TEKTL1: variants seen among roughly 807,000 people sequenced by gnomAD.
TEKTL1 encodes tektin-like protein 1.
At chr19:15,018,715 A>AATATATATATATATATATATATAT in the TEKTL1 span, among the ~76,000 whole-genome samples, 1,913 of 68,048 alleles carry the variant, frequency 0.028, 434 homozygotes, top group East Asian at 0.059. Flanking sequence ...CCTATCTCAA[A>AATATATATATATATATATATATAT]ATATGTATAT....
At chr19:15,023,041 C>A in the TEKTL1 span, 7 of 1,611,852 alleles carry the variant, frequency 4.3e-6, no homozygotes, top group Non-Finnish European at 5.9e-6. Flanking sequence ...ACGTGTGCTA[C>A]GAGCAGGCGC....
chr19:15,021,637 G>A, the TEKTL1 span: 17 of 1,614,122 alleles, frequency 1.1e-5, no homozygotes, highest in South Asian at 1.1e-4. Context: ...TATGACGTTA[G>A]GACTGATGAG....
At chr19:15,011,089 G>T in the TEKTL1 span, 2 of 1,569,150 alleles carry the variant, frequency 1.3e-6, no homozygotes, top group African/African-American at 2.7e-5. Flanking sequence ...AGAAGCCGCC[G>T]CCAGGCGAGG....
At chr19:15,021,520 GT>G in the TEKTL1 span, 1 of 1,614,082 alleles carries the variant, frequency 6.2e-7, no homozygotes, top group Non-Finnish European at 8.5e-7. Flanking sequence ...GGAGCTGAAG[GT>G]GAGCGCATTA....
the TEKTL1 span, among the ~76,000 whole-genome samples, chr19:15,014,135 C>T: frequency 6.6e-6 from 1 of 152,296 alleles, no homozygotes; most frequent in African/African-American, 2.4e-5. Flanking sequence ...GCTGTGGTTT[C>T]AGCCCAAGTG....
At chr19:15,020,012 C>CAAA in the TEKTL1 span, among the ~76,000 whole-genome samples, 17,418 of 136,336 alleles carry the variant, frequency 0.13, 1,215 homozygotes, top group Non-Finnish European at 0.17. Context: ...TTACCAGTAT[C>CAAA]AAAAAAAAAA....
the TEKTL1 span, among the ~76,000 whole-genome samples, chr19:15,015,102 G>T: frequency 6.6e-6 from 1 of 152,248 alleles, no homozygotes; most frequent in East Asian, 1.9e-4. Flanking sequence ...GAGGAGGATT[G>T]CTTGAATCCA....
chr19:15,022,722 G>GT, the TEKTL1 span: 303,054 of 520,484 alleles, frequency 0.58, 61,967 homozygotes, highest in African/African-American at 0.69. Flanking sequence ...CCCTGTCGCG[G>GT]TTTTTTTTTT....
the TEKTL1 span, chr19:15,021,668 C>G: frequency 6.2e-7 from 1 of 1,614,058 alleles, no homozygotes; most frequent in Non-Finnish European, 8.5e-7. Context: ...CTCCGGTGTA[C>G]GAAATATAAC....
chr19:15,018,339 C>A, the TEKTL1 span, among the ~76,000 whole-genome samples: 9 of 152,070 alleles, frequency 5.9e-5, no homozygotes, highest in African/African-American at 2.2e-4. Context: ...TGGAAGTGAG[C>A]AGACTCACTT....
chr19:15,020,477 G>A, the TEKTL1 span: 149 of 1,613,070 alleles, frequency 9.2e-5, 1 homozygote, highest in South Asian at 1.5e-3. Flanking sequence ...GCCTCCTGCC[G>A]AGACACTCTG....
chr19:15,014,848 T>G, the TEKTL1 span, among the ~76,000 whole-genome samples: 1 of 151,816 alleles, frequency 6.6e-6, no homozygotes, highest in Non-Finnish European at 1.5e-5. Context: ...TTCCAGGAAG[T>G]CGGAGGCAGA....
At chr19:15,013,411 C>T in the TEKTL1 span, among the ~76,000 whole-genome samples, 2 of 152,136 alleles carry the variant, frequency 1.3e-5, no homozygotes, top group African/African-American at 2.4e-5. Context: ...TTCATCTCAG[C>T]CCCCTGGGCT....
the TEKTL1 span, chr19:15,021,474 G>A: frequency 8.1e-6 from 13 of 1,614,114 alleles, no homozygotes; most frequent in African/African-American, 1.3e-5. Flanking sequence ...GCGACCGTGT[G>A]TGTGCCTCGC....
At chr19:15,021,836 G>A in the TEKTL1 span, 19 of 1,613,938 alleles carry the variant, frequency 1.2e-5, no homozygotes, top group African/African-American at 2.7e-5. Flanking sequence ...CCTGGAGACC[G>A]CAGAAAAGCT....
the TEKTL1 span, among the ~76,000 whole-genome samples, chr19:15,015,003 A>G: frequency 6.6e-6 from 1 of 152,172 alleles, no homozygotes. Flanking sequence ...TCTGAGCAAC[A>G]TAGCAAGCCC....
the TEKTL1 span, among the ~76,000 whole-genome samples, chr19:15,015,563 C>T: frequency 3.3e-5 from 5 of 151,712 alleles, no homozygotes; most frequent in Admixed American, 6.6e-5. Context: ...GCACCATCAA[C>T]ATTTCCTTCT....
the TEKTL1 span, among the ~76,000 whole-genome samples, chr19:15,019,357 A>T: frequency 1.3e-5 from 2 of 152,210 alleles, no homozygotes; most frequent in Non-Finnish European, 2.9e-5. Context: ...AAGCTGGGAA[A>T]ATTAAGTGGA....
chr19:15,020,945 TCTC>T, the TEKTL1 span, among the ~76,000 whole-genome samples: 1 of 151,416 alleles, frequency 6.6e-6, no homozygotes, highest in Admixed American at 6.6e-5. Context: ...AATGGCCTGA[TCTC>T]AGCTCACTGC....
Sources: gnomAD v4.1 joint callset for allele counts (sites outside exome capture counted in the v4.1 genomes callset) on GRCh38, gnomAD v4.1.1 for gene constraint, MANE v1.5 for transcripts, NCBI Gene and HGNC (gene_info 2026-07-23, HGNC 2026-07-21) for gene names.